The following LRRC9 variants were observed in gnomAD, a reference collection of about 807,000 sequenced individuals.
LRRC9 encodes leucine-rich repeat-containing protein 9.
A neutral mutation model predicts 63.2 loss-of-function variants in LRRC9; 122 were observed. The observed-to-expected ratio is 1.93, with a 90% CI of 1.67 to 2.24. The LOEUF (loss-of-function observed/expected upper bound fraction) is 2.24, where lower values mean the gene tolerates loss of function less well. Among genes scored for constraint, LRRC9 ranks in the 30% most tolerant of loss-of-function variants. The pLI, the probability that LRRC9 is intolerant of heterozygous loss-of-function variation, is 0.00. For synonymous variants in LRRC9, 366 were observed against 213.1 expected (o/e 1.72, Z -6.25); for missense variants, 1,071 against 627.7 (o/e 1.71, Z -7.55).
chr14:59,967,299 T>C (rs1884958993), intron 12 of LRRC9, 86 bp downstream of exon 12: 1 of 483,884 alleles, frequency 2.1e-6, no homozygotes, highest in Non-Finnish European at 3.7e-6. Context: ...CCAATCCTTT[T>C]ATCCATATTT....
rs1430600906 is a variant in LRRC9, at chr14:59,978,710, T to C, written c.1878+578T>C. 4.6e-5 allele frequency among the ~76,000 whole-genome samples: 7 copies of C among 152,214 alleles called. No individual in the cohort carries two copies. The East Asian group carries it at 1.3e-3, about 29-fold the overall frequency. Reference sequence around the variant, plus strand: ...CCTGTTGATATACTGTGTCCATATTTATTATTTAAAATAATATTTCAGTGA... The same window carrying C: ...CCTGTTGATATACTGTGTCCATATTCATTATTTAAAATAATATTTCAGTGA... On this transcript the variant is annotated intron_variant, in intron 15 of 31. Coordinates refer to ENST00000445360, the Ensembl canonical transcript of LRRC9.
intron 17 of LRRC9, 74 bp from the exon 18 acceptor site, chr14:59,997,582 G>T: frequency 1.7e-6 from 1 of 602,700 alleles, no homozygotes; most frequent in South Asian, 2.1e-5. Flanking sequence ...AGTATGTAAA[G>T]AACCACAGAG....
At chr14:59,981,678 A>C (rs1435126022) in intron 15 of LRRC9, among the ~76,000 whole-genome samples, 170 bp from the exon 16 acceptor site, 1 of 152,236 alleles carries the variant, frequency 6.6e-6, no homozygotes, top group Non-Finnish European at 1.5e-5. Flanking sequence ...TACACCATGC[A>C]TAGCCTACAA....
At chr14:60,032,300 C>G (rs1033792149) in intron 29 of LRRC9, among the ~76,000 whole-genome samples, 15 of 151,868 alleles carry the variant, frequency 9.9e-5, no homozygotes, top group African/African-American at 2.9e-4. Flanking sequence ...TTTTTCTATC[C>G]CTGTGCCAAT....
chr14:59,934,594 C>T (rs770333044), intron 6 of LRRC9, among the ~76,000 whole-genome samples: 3 of 152,124 alleles, frequency 2.0e-5, no homozygotes, highest in Non-Finnish European at 4.4e-5. Context: ...ATCAGAGACA[C>T]TGAGAGGATG....
At chr14:60,035,838 T>C (rs1275059727) in intron 29 of LRRC9, among the ~76,000 whole-genome samples, 1 of 152,222 alleles carries the variant, frequency 6.6e-6, no homozygotes, top group Non-Finnish European at 1.5e-5. Context: ...ATTTTAGGAT[T>C]TGTTTTTTTA....
intron 29 of LRRC9, among the ~76,000 whole-genome samples, chr14:60,045,381 T>C (rs1401025761): frequency 6.6e-6 from 1 of 152,174 alleles, no homozygotes; most frequent in African/African-American, 2.4e-5. Flanking sequence ...ACCTAGGTAT[T>C]AAGCCAAGCA....
chr14:60,053,977 T>C lies in LRRC9; in HGVS notation c.4131+772T>C, dbSNP rs1254258448. 2.2e-6 allele frequency: 1 copy of C among 445,172 alleles called. No individual in the cohort carries two copies. The highest frequency in any genetic ancestry group is 7.0e-5 in the East Asian group (1 of 14,338). The allele number at this position is 445,172 out of a possible 1,614,324, so 27.6% of individuals were successfully genotyped here. A position where few individuals can be genotyped will look rare whatever the true frequency, so the allele number is the denominator to read the frequency against. On this transcript the variant is annotated intron_variant, in intron 30 of 31. Transcript: ENST00000445360. This position sits in a 1 kb window ranked among gnomAD's most constrained non-coding sequence, Gnocchi z 4.8. ...TTAGAATAATCCAAGAGAGATGTTA[T>C]GAAGACCTGGACCACGGTAGAGAAT...
At position 59,926,273 on chromosome 14, in the gene LRRC9, C is replaced by T. The variant is rs186107480; in HGVS notation, c.-33-1638C>T. 5.8e-4 allele frequency among the ~76,000 whole-genome samples: 89 copies of T among 152,188 alleles called. 1 individual carries two copies. The highest frequency in any genetic ancestry group is 2.0e-3 in the African/African-American group (83 of 41,554). ...AATCATTGCTCTTTTTGTAGCACTG[C>T]TATATTCTTTTCTTGTTTTCATATT... On this transcript the variant is annotated intron_variant, in intron 1 of 31. Coordinates refer to ENST00000445360, the Ensembl canonical transcript of LRRC9.
chr14:60,008,348 C>A (rs947724804), intron 23 of LRRC9, 134 bp downstream of exon 23: 3 of 486,872 alleles, frequency 6.2e-6, no homozygotes, highest in Non-Finnish European at 7.2e-6. Flanking sequence ...TCTAGGTCTC[C>A]AAAGCTTATT....
chr14:59,933,118 A>T (rs372729085), intron 6 of LRRC9, among the ~76,000 whole-genome samples: 1 of 152,072 alleles, frequency 6.6e-6, no homozygotes, highest in African/African-American at 2.4e-5. Flanking sequence ...TGCATGGCTC[A>T]TTTCATCGTT....
At chr14:59,944,483 A>G (rs981564398) in intron 7 of LRRC9, 106 bp from the exon 8 acceptor site, 42 of 419,064 alleles carry the variant, frequency 1.0e-4, no homozygotes, top group Admixed American at 4.4e-5. Context: ...AAGCATGCAA[A>G]TCATCTAAAT....
chr14:59,997,544 C>T lies in LRRC9; in HGVS notation c.2212-112C>T, dbSNP rs191014767. ...TGCAACATAACTACTGTTTATGTGTCCTGTGAGGATTACCAGGAAGTGTGT... is the reference window on the plus strand; with the variant it reads ...TGCAACATAACTACTGTTTATGTGTTCTGTGAGGATTACCAGGAAGTGTGT... On this transcript the variant is annotated intron_variant, in intron 17 of 31. Transcript: ENST00000445360. The T allele has an allele frequency of 3.1e-5, 17 of 554,636 alleles. No individual in the cohort carries two copies. The East Asian group carries it at 5.0e-4, about 16-fold the overall frequency. 34.4% of individuals were successfully genotyped at this position (554,636 alleles called of 1,614,324 possible).
chr14:60,024,856 G>C (rs781641804), intron 27 of LRRC9, among the ~76,000 whole-genome samples: 31 of 149,710 alleles, frequency 2.1e-4, no homozygotes, highest in Non-Finnish European at 3.9e-4. Context: ...TGTACTTATT[G>C]TTGGAGCGTA....
chr14:60,062,067 G>A, intron 31 of LRRC9: 2 of 398,778 alleles, frequency 5.0e-6, no homozygotes, highest in Non-Finnish European at 8.9e-6. Context: ...CATCCATGCA[G>A]AAATAGCTTT....
chr14:59,930,511 C>A lies in LRRC9; in HGVS notation c.268-407C>A, dbSNP rs1001072548. 1.1e-4 allele frequency among the ~76,000 whole-genome samples: 17 copies of A among 151,658 alleles called. No homozygotes were observed. Among genetic ancestry groups the A allele is most frequent in the African/African-American group, 4.1e-4 (17 of 41,326 alleles). ...AATATAATTTGAAGGATTATGAAAA[C>A]ATTTTAGTCTTAATTTAAAGAGTCC... is the stretch of plus-strand genomic sequence containing the variant. On this transcript the variant is annotated intron_variant, in intron 3 of 31. Transcript: ENST00000445360. This position sits in a 1 kb window ranked among gnomAD's most constrained non-coding sequence, Gnocchi z 4.9.
chr14:59,965,139 A>G (rs1277798904), intron 10 of LRRC9, among the ~76,000 whole-genome samples: 1 of 152,130 alleles, frequency 6.6e-6, no homozygotes, highest in Non-Finnish European at 1.5e-5. Context: ...CCGTTTTTCA[A>G]TCTCATCTTA....
chr14:59,964,886 G>C lies in LRRC9; in HGVS notation c.1212-1703G>C, dbSNP rs1884681762. 6.6e-6 allele frequency among the ~76,000 whole-genome samples: 1 copy of C among 152,154 alleles called. No homozygotes were observed. Among genetic ancestry groups the C allele is most frequent in the African/African-American group, 2.4e-5 (1 of 41,446 alleles). ...GGCAGCTCTCCTTTCAACTCTAAGG[G>C]AGAAGTAATTTATAAGATCCTGGCT... On this transcript the variant is annotated intron_variant, in intron 10 of 31. Transcript: ENST00000445360. This position sits in a 1 kb window ranked among gnomAD's most constrained non-coding sequence, Gnocchi z 4.4.
At chr14:59,934,407 A>G (rs1006718052) in intron 6 of LRRC9, among the ~76,000 whole-genome samples, 1 of 152,192 alleles carries the variant, frequency 6.6e-6, no homozygotes. Context: ...CCATCCAGGT[A>G]AAGATCTGTA....
Sources: allele counts gnomAD v4.1 joint callset (sites outside exome capture counted in the v4.1 genomes callset), GRCh38; gene constraint gnomAD v4.1.1; non-coding constraint Gnocchi (gnomAD v3.1); transcripts MANE v1.5; gene names NCBI Gene and HGNC (gene_info 2026-07-23, HGNC 2026-07-21).